MRRF: variants seen among roughly 807,000 people sequenced by gnomAD.
MRRF encodes ribosome-recycling factor, mitochondrial.
MRRF carries 18 observed loss-of-function variants against 25.1 expected under a neutral mutation model. The ratio of observed to expected loss-of-function variants is 0.72; its 90% CI spans 0.50 to 1.06. The LOEUF is 1.06. Ranked by LOEUF, MRRF falls within the 50% of genes least tolerant of loss-of-function variation. The pLI, the probability that MRRF is intolerant of heterozygous loss-of-function variation, is 0.00. For missense variants in MRRF, 323 were observed against 319.3 expected (o/e 1.01, Z -0.09); for synonymous variants, 113 against 112.1 (o/e 1.01, Z -0.05).
chr9:122,277,301 T>G (rs754471889), intron 2 of MRRF, among the ~76,000 whole-genome samples: 15 of 152,358 alleles, frequency 9.8e-5, no homozygotes, highest in Admixed American at 2.6e-4. Context: ...AATTTTGTCT[T>G]AAAATCTTTT....
chr9:122,266,938 C>T (rs899130439), intron 1 of MRRF, among the ~76,000 whole-genome samples: 45 of 151,528 alleles, frequency 3.0e-4, no homozygotes, highest in African/African-American at 1.0e-3. Context: ...GGTGTGGTGG[C>T]GCACGCCTGT....
intron 5 of MRRF, among the ~76,000 whole-genome samples, chr9:122,301,692 G>C (rs1321868793): frequency 1.3e-5 from 2 of 151,592 alleles, no homozygotes; most frequent in Non-Finnish European, 2.9e-5. Context: ...GATCAGGTTA[G>C]CCATTGTTAC....
rs1329748427 is a variant in MRRF at position 122,329,049 on chromosome 9, T to C, written c.*6432T>C. On this transcript the variant is annotated 3_prime_UTR_variant, in exon 7 of 7. Coordinates refer to ENST00000344641, the MANE Select transcript of MRRF (RefSeq NM_138777.5). The stretch of plus-strand genomic sequence containing the variant: ...AGTTAGAACAACCTGAAACAGCTTT[T>C]ATCATGTCACTCTTCTCTCAGAAAC... The C allele has an allele frequency of 6.6e-6, 1 of 152,196 alleles. No individual in the cohort carries two copies. The highest frequency in any genetic ancestry group is 1.5e-5 in the Non-Finnish European group (1 of 68,056). The allele number at this position is 152,196 out of a possible 1,614,324, so 9.4% of individuals were successfully genotyped here. A position where few individuals can be genotyped will look rare whatever the true frequency, so the allele number is the denominator to read the frequency against.
Position 122,322,698 on chromosome 9 carries a change from C to T in MRRF, c.*81C>T, listed in dbSNP as rs1835964579. 2 of 1,236,462 alleles carry T rather than the reference C, an allele frequency of 1.6e-6. No individual in the cohort carries two copies. The highest frequency in any genetic ancestry group is 3.7e-5 in the Admixed American group (2 of 54,602). The allele number at this position is 1,236,462 out of a possible 1,614,324, so 76.6% of individuals were successfully genotyped here. A position where few individuals can be genotyped will look rare whatever the true frequency, so the allele number is the denominator to read the frequency against. ...TGGCACATTGGGACTTCTCTCCCTC[C>T]CCCATCTACACAGAAGACTGTCACC... On this transcript the variant is annotated 3_prime_UTR_variant, in exon 7 of 7. Transcript: ENST00000344641.
chr9:122,307,001 G>A (rs1466791542), intron 5 of MRRF, among the ~76,000 whole-genome samples: 2 of 152,112 alleles, frequency 1.3e-5, no homozygotes, highest in Admixed American at 6.5e-5. Context: ...TGGGCTAAAG[G>A]GACACCTACA....
At chr9:122,274,922 C>T (rs1199396740) in intron 2 of MRRF, among the ~76,000 whole-genome samples, 1 of 151,788 alleles carries the variant, frequency 6.6e-6, no homozygotes, top group Admixed American at 6.6e-5. Context: ...CTCCTGTGTA[C>T]TTGTTCTGTT....
At chr9:122,307,762 G>C (rs1834944591) in intron 5 of MRRF, among the ~76,000 whole-genome samples, 1 of 152,132 alleles carries the variant, frequency 6.6e-6, no homozygotes, top group East Asian at 1.9e-4. Context: ...TGGGATTTCA[G>C]CTTAGGTCTT....
chr9:122,280,164 A>G (rs968741205), intron 2 of MRRF, among the ~76,000 whole-genome samples: 4 of 152,226 alleles, frequency 2.6e-5, no homozygotes, highest in Admixed American at 6.5e-5. Context: ...ATACTCAGAA[A>G]GATAACTTGC....
intron 5 of MRRF, among the ~76,000 whole-genome samples, chr9:122,295,737 C>T (rs1834046186): frequency 6.6e-6 from 1 of 152,182 alleles, no homozygotes; most frequent in African/African-American, 2.4e-5. Flanking sequence ...TAAGCCACTG[C>T]GCCTGGCCCC....
chr9:122,303,893 C>T (rs961936749), intron 5 of MRRF, among the ~76,000 whole-genome samples: 1 of 152,162 alleles, frequency 6.6e-6, no homozygotes, highest in Non-Finnish European at 1.5e-5. Context: ...TTTCAGTGGC[C>T]TGCCTGTGCT....
chr9:122,280,570 TAA>T lies in MRRF; in HGVS notation c.313_314del (p.Lys105AspfsTer12). ...TAGAAGCTCTCAAGGATAATTTCAA[TAA>T]GACTCTCAATATAAGGACCTCACCA... The part of the protein sequence containing the change: ...VIEALKDNFN[K>X]TLNIRTSPGS... On this transcript the variant is annotated frameshift_variant, in exon 3 of 7. Transcript: ENST00000344641. LOFTEE classifies it high-confidence loss of function. 6.2e-7 allele frequency: 1 copy of T among 1,614,030 alleles called. No homozygotes were observed. The highest frequency in any genetic ancestry group is 1.1e-5 in the South Asian group (1 of 91,080).
intron 6 of MRRF, 113 bp from the exon 7 acceptor site, chr9:122,322,427 A>G: frequency 1.1e-6 from 1 of 942,170 alleles, no homozygotes; most frequent in Non-Finnish European, 1.7e-6. Flanking sequence ...CTTAATGTGA[A>G]CTTTTGTCAC....
At chr9:122,314,776 A>T (rs1835412062) in intron 6 of MRRF, among the ~76,000 whole-genome samples, 1 of 152,208 alleles carries the variant, frequency 6.6e-6, no homozygotes, top group South Asian at 2.1e-4. Flanking sequence ...TGCTGCAGAA[A>T]TCCAGCCAGG....
chr9:122,291,114 G>T (rs1308267313), intron 4 of MRRF, among the ~76,000 whole-genome samples: 1 of 152,110 alleles, frequency 6.6e-6, no homozygotes, highest in African/African-American at 2.4e-5. Context: ...TGAAATATAG[G>T]TTCAGAGAGG....
intron 5 of MRRF, among the ~76,000 whole-genome samples, chr9:122,301,814 A>G (rs1278350431): frequency 1.3e-5 from 2 of 151,142 alleles, no homozygotes; most frequent in African/African-American, 2.4e-5. Flanking sequence ...GCTCACTGCA[A>G]CCTCCACCTC....
chr9:122,308,309 A>G (rs1267794731), intron 5 of MRRF, among the ~76,000 whole-genome samples: 2 of 152,084 alleles, frequency 1.3e-5, no homozygotes, highest in East Asian at 3.9e-4. Context: ...ATTGCTGTCT[A>G]CACAAACTAC....
intron 5 of MRRF, among the ~76,000 whole-genome samples, chr9:122,308,699 CAAA>C (rs776774424): frequency 5.0e-5 from 3 of 60,108 alleles, no homozygotes; most frequent in Non-Finnish European, 6.6e-5. Flanking sequence ...ACTCCATCTC[CAAA>C]AAAAAAAAAA....
intron 5 of MRRF, among the ~76,000 whole-genome samples, chr9:122,294,904 T>A (rs751914689): frequency 3.9e-5 from 6 of 152,174 alleles, no homozygotes; most frequent in Non-Finnish European, 8.8e-5. Flanking sequence ...TTATATAATT[T>A]TAGGAGAAAA....
At position 122,291,766 on chromosome 9, in the gene MRRF, C is replaced by G; in HGVS notation, c.477C>G (p.Ile159Met). ...GTTTTCAGTGTACAGCTGCAGCTATCAAGGCTATAAGAGAAAGTGGAATGA... is the reference window on the plus strand; with the variant it reads ...GTTTTCAGTGTACAGCTGCAGCTATGAAGGCTATAAGAGAAAGTGGAATGA... ...ASFPECTAAA[I>M]KAIRESGMNL... Residue 159 changes from isoleucine (I) to methionine (M), a missense_variant, in exon 5 of 7, where the codon ATC becomes ATG. Physicochemically the swap from Ile to Met is conservative, Grantham distance 10. Transcript: ENST00000344641. 1 of 1,612,996 alleles carries G rather than the reference C, an allele frequency of 6.2e-7. No individual in the cohort carries two copies. Among genetic ancestry groups the G allele is most frequent in the Non-Finnish European group, 8.5e-7 (1 of 1,178,988 alleles).
Sources: allele counts gnomAD v4.1 joint callset (sites outside exome capture counted in the v4.1 genomes callset), GRCh38; gene constraint gnomAD v4.1.1; transcripts MANE v1.5; gene names NCBI Gene and HGNC (gene_info 2026-07-23, HGNC 2026-07-21).